ACOXL: variants seen among roughly 807,000 people sequenced by gnomAD.
ACOXL encodes acyl-coenzyme A oxidase-like protein.
ACOXL carries 70 observed loss-of-function variants against 71.9 expected under a neutral mutation model. The observed-to-expected ratio is 0.97, with a 90% confidence interval of 0.80 to 1.19. The LOEUF (loss-of-function observed/expected upper bound fraction) is 1.19, where lower values mean the gene tolerates loss of function less well. Among genes scored for constraint, ACOXL ranks in the 50% most tolerant of loss-of-function variants. The pLI, the probability that ACOXL is intolerant of heterozygous loss-of-function variation, is 0.00. For missense variants in ACOXL, 703 were observed against 736.3 expected (o/e 0.95, Z 0.52); for synonymous variants, 253 against 281.6 (o/e 0.90, Z 1.02).
chr2:110,876,885 G>T (rs964225560), intron 10 of ACOXL, among the ~76,000 whole-genome samples: 25 of 152,214 alleles, frequency 1.6e-4, no homozygotes, highest in African/African-American at 6.0e-4. Context: ...TGACAGTCTA[G>T]TGGAGGAAAC....
Position 110,952,400 on chromosome 2 carries a change from T to C in ACOXL, c.1059+18758T>C, listed in dbSNP as rs1429719035. 3.9e-5 allele frequency among the ~76,000 whole-genome samples: 6 copies of C among 152,300 alleles called. No individual in the cohort carries two copies. The East Asian group carries it at 9.6e-4, about 24-fold the overall frequency. On this transcript the variant is annotated intron_variant, in intron 12 of 17. Coordinates refer to ENST00000439055, the MANE Select transcript of ACOXL (RefSeq NM_001142807.4). ...TTTGTATATTTTTTCAAATAATAAGTTTTTGGCTTTGTTGATCCTCTCCAC... is the reference window on the plus strand; with the variant it reads ...TTTGTATATTTTTTCAAATAATAAGCTTTTGGCTTTGTTGATCCTCTCCAC...
chr2:110,835,580 C>A (rs1690354086), intron 9 of ACOXL, among the ~76,000 whole-genome samples: 1 of 152,154 alleles, frequency 6.6e-6, no homozygotes, highest in Admixed American at 6.5e-5. Context: ...CCAGACCTGC[C>A]AGTGGGCCTG....
intron 10 of ACOXL, among the ~76,000 whole-genome samples, chr2:110,875,379 C>G (rs1695778528): frequency 6.6e-6 from 1 of 152,238 alleles, no homozygotes; most frequent in African/African-American, 2.4e-5. Flanking sequence ...GCTTTGAACA[C>G]TGTGTCACCG....
chr2:111,110,540 G>A (rs2069872748), intron 17 of ACOXL, among the ~76,000 whole-genome samples: 1 of 152,120 alleles, frequency 6.6e-6, no homozygotes, highest in Admixed American at 6.5e-5. Flanking sequence ...GTTTGTTTCT[G>A]TGCTAGGAGT....
intron 1 of ACOXL, among the ~76,000 whole-genome samples, chr2:110,751,358 T>A (rs796142412): frequency 3.3e-5 from 5 of 151,814 alleles, no homozygotes; most frequent in Admixed American, 3.3e-4. Context: ...GACCTTGACA[T>A]TGAGGATCTT....
chr2:111,029,794 G>T (rs142620756), intron 14 of ACOXL, among the ~76,000 whole-genome samples: 7 of 152,318 alleles, frequency 4.6e-5, no homozygotes, highest in Admixed American at 4.6e-4. Context: ...ATATAAGGAA[G>T]AGCACTTGGG....
chr2:110,735,017 T>TG (rs1305333023), intron 1 of ACOXL, among the ~76,000 whole-genome samples: 1 of 152,224 alleles, frequency 6.6e-6, no homozygotes, highest in Non-Finnish European at 1.5e-5. Flanking sequence ...AAAACACACT[T>TG]GCACGCAAAG....
chr2:110,758,584 T>C lies in ACOXL; in HGVS notation c.-22-9784T>C, dbSNP rs2104879915. On this transcript the variant is annotated intron_variant, in intron 1 of 17. Transcript: ENST00000439055. ...ATTTGATTCTTCTAACTTTTCTTCC[T>C]TATTAGTCTAGCTAGTGGTCTATTT... 1.3e-5 allele frequency among the ~76,000 whole-genome samples: 2 copies of C among 152,304 alleles called. 1 individual carries two copies. Among genetic ancestry groups the C allele is most frequent in the Admixed American group, 1.3e-4 (2 of 15,302 alleles).
At chr2:110,902,716 T>G (rs2059289082) in intron 10 of ACOXL, among the ~76,000 whole-genome samples, 1 of 152,206 alleles carries the variant, frequency 6.6e-6, no homozygotes, top group South Asian at 2.1e-4. Context: ...CTGGTGGCAT[T>G]AAAAATATCC....
intron 1 of ACOXL, among the ~76,000 whole-genome samples, chr2:110,736,581 A>G (rs960519769): frequency 4.0e-5 from 6 of 151,740 alleles, no homozygotes; most frequent in Non-Finnish European, 8.8e-5. Context: ...AAGGCTGAAT[A>G]ATATTCCATT....
chr2:111,107,458 G>T lies in ACOXL; in HGVS notation c.1543-10158G>T, dbSNP rs72948308. ...AGTGACTTTAACTATAGTTTTTTTT[G>T]TTGTTGTTGTTGTTGGTTTTTTTGG... On this transcript the variant is annotated intron_variant, in intron 17 of 17. Coordinates refer to ENST00000439055, the MANE Select transcript of ACOXL (RefSeq NM_001142807.4). Among the ~76,000 whole-genome samples, 1,509 of 152,096 alleles carry T rather than the reference G, an allele frequency of 9.9e-3. 19 individuals carry two copies. The highest frequency in any genetic ancestry group is 0.029 in the African/African-American group (1,221 of 41,518).
chr2:110,937,371 C>G (rs1314531572), intron 12 of ACOXL, among the ~76,000 whole-genome samples: 1 of 114,764 alleles, frequency 8.7e-6, no homozygotes, highest in African/African-American at 2.8e-5. Context: ...ACAAAGAATG[C>G]TTCTAGCACC....
At chr2:110,804,267 A>G (rs1686355438) in intron 8 of ACOXL, among the ~76,000 whole-genome samples, 1 of 152,186 alleles carries the variant, frequency 6.6e-6, no homozygotes, top group Admixed American at 6.5e-5. Flanking sequence ...GATTACAGGC[A>G]TAAGTCACCA....
chr2:110,757,700 T>G (rs1679881034), intron 1 of ACOXL, among the ~76,000 whole-genome samples: 1 of 152,224 alleles, frequency 6.6e-6, no homozygotes, highest in Non-Finnish European at 1.5e-5. Flanking sequence ...TGTCTTCTTT[T>G]GAGAAGTGTC....
At chr2:110,909,304 T>C (rs892310686) in intron 11 of ACOXL, among the ~76,000 whole-genome samples, 7 of 152,098 alleles carry the variant, frequency 4.6e-5, no homozygotes, top group Non-Finnish European at 2.9e-5. Flanking sequence ...GTGTGTGTAT[T>C]TGGTGGGGGT....
chr2:111,067,480 G>A lies in ACOXL; in HGVS notation c.1440+18192G>A, dbSNP rs200072129. Among the ~76,000 whole-genome samples the A allele has an allele frequency of 8.5e-5, 13 of 152,194 alleles. No individual in the cohort carries two copies. In the East Asian group the frequency reaches 1.5e-3, roughly 18 times the overall value. On this transcript the variant is annotated intron_variant, in intron 16 of 17. Coordinates refer to ENST00000439055, the MANE Select transcript of ACOXL (RefSeq NM_001142807.4). The stretch of plus-strand genomic sequence containing the variant: ...TTTTTTAAAGTCAAGCTAATTCTCC[G>A]GAAAATAAATGGGCAGATAATGAAC...
At chr2:110,991,655 C>T (rs72946212) in intron 13 of ACOXL, among the ~76,000 whole-genome samples, 3,689 of 152,114 alleles carry the variant, frequency 0.024, 154 homozygotes, top group African/African-American at 0.085. Context: ...ATTGGGATGA[C>T]GTGAAATTGA....
intron 9 of ACOXL, among the ~76,000 whole-genome samples, chr2:110,837,211 C>A (rs928202354): frequency 3.9e-5 from 6 of 152,100 alleles, no homozygotes; most frequent in African/African-American, 1.4e-4. Flanking sequence ...CCGGTGCTTC[C>A]TGGTCTCTCC....
chr2:111,032,242 G>T (rs1200331088), intron 15 of ACOXL, among the ~76,000 whole-genome samples: 1 of 151,800 alleles, frequency 6.6e-6, no homozygotes, highest in Non-Finnish European at 1.5e-5. Context: ...GTTTGGCAAT[G>T]TTTAGAGACG....
Sources: allele counts gnomAD v4.1 joint callset (sites outside exome capture counted in the v4.1 genomes callset), GRCh38; gene constraint gnomAD v4.1.1; transcripts MANE v1.5; gene names NCBI Gene and HGNC (gene_info 2026-07-23, HGNC 2026-07-21).